Variants in PXDNL observed in about 807,000 individuals in gnomAD.
PXDNL encodes peroxidasin like.
A neutral mutation model predicts 150.8 loss-of-function variants in PXDNL; 145 were observed. That is an observed-to-expected ratio of 0.96 (90% CI 0.84 to 1.10). The LOEUF (loss-of-function observed/expected upper bound fraction) is 1.10, where lower values mean the gene tolerates loss of function less well. Among genes scored for constraint, PXDNL ranks in the 50% least tolerant of loss-of-function variants. The pLI is 0.00. For synonymous variants in PXDNL, 757 were observed against 725.7 expected (o/e 1.04, Z -0.69); for missense variants, 2,087 against 1,873.9 (o/e 1.11, Z -2.10).
chr8:51,561,579 G>T (rs11998488), intron 3 of PXDNL, among the ~76,000 whole-genome samples: 4 of 151,692 alleles, frequency 2.6e-5, no homozygotes, highest in East Asian at 3.9e-4. Flanking sequence ...CTACAAAATG[G>T]ATTAACATTG....
chr8:51,520,700 A>C (rs1249792039), intron 4 of PXDNL, among the ~76,000 whole-genome samples: 1 of 152,104 alleles, frequency 6.6e-6, no homozygotes, highest in African/African-American at 2.4e-5. Context: ...ACAGCCAACA[A>C]ACTTCACATT....
At chr8:51,507,666 G>T (rs111308394) in intron 4 of PXDNL, among the ~76,000 whole-genome samples, 3 of 152,208 alleles carry the variant, frequency 2.0e-5, no homozygotes, top group Non-Finnish European at 4.4e-5. Context: ...GCAATGGTTT[G>T]CAGTGGTTTT....
intron 19 of PXDNL, among the ~76,000 whole-genome samples, chr8:51,362,730 T>C (rs1806794814): frequency 2.0e-5 from 3 of 152,152 alleles, no homozygotes. Flanking sequence ...CTTAGGGCAA[T>C]GAAGCATGTG....
chr8:51,511,254 C>A (rs1373495622), intron 4 of PXDNL, among the ~76,000 whole-genome samples: 4 of 152,150 alleles, frequency 2.6e-5, no homozygotes, highest in Non-Finnish European at 5.9e-5. Flanking sequence ...GTAAAAATCA[C>A]CTAGCACCTT....
intron 1 of PXDNL, among the ~76,000 whole-genome samples, chr8:51,804,962 T>C (rs1308489776): frequency 6.6e-6 from 1 of 151,756 alleles, no homozygotes; most frequent in Non-Finnish European, 1.5e-5. Flanking sequence ...TTCTCCTGCT[T>C]GGGCTCCATC....
chr8:51,797,722 T>C (rs1002389103), intron 1 of PXDNL, among the ~76,000 whole-genome samples: 1 of 103,806 alleles, frequency 9.6e-6, no homozygotes, highest in African/African-American at 2.5e-5. Context: ...ATAGGAAGAA[T>C]TAATATCATG....
intron 19 of PXDNL, among the ~76,000 whole-genome samples, chr8:51,358,840 C>G (rs1806612950): frequency 6.6e-6 from 1 of 152,166 alleles, no homozygotes; most frequent in African/African-American, 2.4e-5. Flanking sequence ...GACAGGGGAA[C>G]CCTGGGGAAA....
intron 18 of PXDNL, among the ~76,000 whole-genome samples, 165 bp downstream of exon 18, chr8:51,374,432 A>G (rs1247243191): frequency 1.3e-5 from 2 of 152,220 alleles, no homozygotes; most frequent in African/African-American, 4.8e-5. Flanking sequence ...ATGTTATCTG[A>G]TAATATTGGT....
intron 2 of PXDNL, among the ~76,000 whole-genome samples, chr8:51,597,738 G>A (rs924291809): frequency 3.3e-5 from 5 of 149,660 alleles, no homozygotes; most frequent in African/African-American, 1.2e-4. Flanking sequence ...TTTTGAGATG[G>A]AGTTTCACTC....
intron 1 of PXDNL, among the ~76,000 whole-genome samples, chr8:51,730,054 A>G (rs945201912): frequency 6.6e-6 from 1 of 152,222 alleles, no homozygotes; most frequent in African/African-American, 2.4e-5. Flanking sequence ...TGGTGAATAT[A>G]TGCCATTACA....
chr8:51,537,491 G>T (rs549025391), intron 4 of PXDNL, among the ~76,000 whole-genome samples: 1 of 152,250 alleles, frequency 6.6e-6, no homozygotes, highest in African/African-American at 2.4e-5. Context: ...AAACTGCACT[G>T]CTTGAAGCTG....
intron 4 of PXDNL, among the ~76,000 whole-genome samples, chr8:51,535,110 C>G (rs1276673739): frequency 8.2e-6 from 1 of 122,108 alleles, no homozygotes; most frequent in Non-Finnish European, 1.6e-5. Context: ...GTCAGCCCCC[C>G]GCCCGGCCAG....
At chr8:51,445,959 T>TC (rs910191393) in intron 12 of PXDNL, among the ~76,000 whole-genome samples, 6 of 151,476 alleles carry the variant, frequency 4.0e-5, no homozygotes, top group African/African-American at 1.5e-4. Context: ...CAATCCTTTT[T>TC]CCCCCCCGTA....
At chr8:51,710,236 T>C (rs1340847088) in intron 1 of PXDNL, among the ~76,000 whole-genome samples, 1 of 152,232 alleles carries the variant, frequency 6.6e-6, no homozygotes, top group Non-Finnish European at 1.5e-5. Context: ...TTGTATCACT[T>C]TTATAGAAGC....
intron 8 of PXDNL, among the ~76,000 whole-genome samples, chr8:51,468,243 T>G (rs1349615675): frequency 6.6e-6 from 1 of 152,018 alleles, no homozygotes; most frequent in Non-Finnish European, 1.5e-5. Context: ...AATTTCTTGC[T>G]ATAATTGGAT....
chr8:51,753,808 GAT>G (rs1310684452), intron 1 of PXDNL, among the ~76,000 whole-genome samples: 2 of 152,248 alleles, frequency 1.3e-5, no homozygotes, highest in Non-Finnish European at 2.9e-5. Context: ...TCCAAAAGCA[GAT>G]GTACAATTAA....
At chr8:51,718,738 A>C (rs1816665444) in intron 1 of PXDNL, among the ~76,000 whole-genome samples, 1 of 152,202 alleles carries the variant, frequency 6.6e-6, no homozygotes, top group Non-Finnish European at 1.5e-5. Context: ...CCACTGTGAC[A>C]GCTCATATGC....
chr8:51,423,734 A>G lies in PXDNL; in HGVS notation c.1639-3T>C. 1.2e-6 allele frequency: 2 copies of G among 1,607,420 alleles called. No homozygotes were observed. The highest frequency in any genetic ancestry group is 1.7e-6 in the Non-Finnish European group (2 of 1,177,394). On this transcript the variant is annotated splice_region_variant and splice_polypyrimidine_tract_variant and intron_variant, in intron 13 of 22. Transcript: ENST00000356297. Reference sequence around the variant, plus strand: ...CTCTCAGTAATCTGCACACCTTCCTAGGGAGCAAAAAAGAGTTGCCACTGA... The same window carrying G: ...CTCTCAGTAATCTGCACACCTTCCTGGGGAGCAAAAAAGAGTTGCCACTGA...
chr8:51,640,550 C>T (rs1201568954), intron 2 of PXDNL, among the ~76,000 whole-genome samples: 3 of 152,044 alleles, frequency 2.0e-5, no homozygotes, highest in Non-Finnish European at 2.9e-5. Context: ...AGCATTCTTA[C>T]ACACCAATAA....
Sources: allele counts gnomAD v4.1 joint callset (sites outside exome capture counted in the v4.1 genomes callset), GRCh38; gene constraint gnomAD v4.1.1; transcripts MANE v1.5; gene names NCBI Gene and HGNC (gene_info 2026-07-23, HGNC 2026-07-21).